The following PDK3 variants were observed in gnomAD, a reference collection of about 807,000 sequenced individuals.
PDK3 encodes pyruvate dehydrogenase kinase, isozyme 3.
PDK3 carries 12 observed loss-of-function variants against 32.0 expected under a neutral mutation model. The observed-to-expected ratio is 0.37, with a 90% CI of 0.24 to 0.61. The LOEUF (loss-of-function observed/expected upper bound fraction) is 0.61, where lower values mean the gene tolerates loss of function less well. Among genes scored for constraint, PDK3 ranks in the 20% least tolerant of loss-of-function variants. The probability of loss-of-function intolerance (pLI) is 0.65; values close to 1 mark genes in which losing one functional copy is unlikely to be tolerated. For missense variants in PDK3, 188 were observed against 316.9 expected (o/e 0.59, Z 3.09); for synonymous variants, 122 against 116.3 (o/e 1.05, Z -0.31).
downstream of PDK3, among the ~76,000 whole-genome samples, chrX:24,537,750 G>A (rs1207607): frequency 0.17 from 18,624 of 110,918 alleles, 1,476 homozygotes; most frequent in Middle Eastern, 0.25. Flanking sequence ...ATTTAGTAGC[G>A]TTGGTCTTCT....
exon 12 of PDK3, chrX:24,548,386 T>A (rs1322779122): frequency 1.8e-5 from 2 of 112,584 alleles, no homozygotes; most frequent in Non-Finnish European, 3.8e-5. Context: ...TGGAACTGAC[T>A]CCTTTGGGGA....
chrX:24,469,432 G>C (rs1920971435), intron 1 of PDK3, among the ~76,000 whole-genome samples: 1 of 110,000 alleles, frequency 9.1e-6, no homozygotes, highest in Admixed American at 9.8e-5. Flanking sequence ...GATATATCTA[G>C]ATAGAATTTT....
At chrX:24,505,354 T>C in intron 5 of PDK3, 56 bp downstream of exon 5, 1 of 928,113 alleles carries the variant, frequency 1.1e-6, no homozygotes, top group East Asian at 3.1e-5. Flanking sequence ...TGTGGTTTAT[T>C]GGAGGCAGCT....
intron 5 of PDK3, among the ~76,000 whole-genome samples, chrX:24,511,929 G>T (rs1176952793): frequency 9.0e-6 from 1 of 110,642 alleles, no homozygotes; most frequent in Non-Finnish European, 1.9e-5. Flanking sequence ...TCTTGAGACA[G>T]ATTACAGAAA....
chrX:24,493,101 AC>A (rs1383600736), intron 1 of PDK3, among the ~76,000 whole-genome samples: 1 of 111,363 alleles, frequency 9.0e-6, no homozygotes, highest in Non-Finnish European at 1.9e-5. Context: ...GGGGCATTAC[AC>A]CCCTTCTCCT....
At chrX:24,477,260 G>A (rs367727786) in intron 1 of PDK3, among the ~76,000 whole-genome samples, 5 of 111,796 alleles carry the variant, frequency 4.5e-5, no homozygotes, top group African/African-American at 1.6e-4. Flanking sequence ...AGGTAACATA[G>A]GAATGAAAAG....
rs896749320 is a variant in PDK3 at position 24,550,087 on chromosome X, T to C, written c.*10923T>C. On this transcript the variant is annotated 3_prime_UTR_variant, in exon 12 of 12. Coordinates refer to the PDK3 transcript ENST00000568479. ...CAATATTTGTACTCATAAGTCAAAA[T>C]CTGACCTGGTTCGCTTTGTGCCTCT... 1.2e-4 allele frequency: 14 copies of C among 112,124 alleles called. No homozygotes were observed. In the Middle Eastern group the frequency reaches 0.014, roughly 110 times the overall value. The allele number at this position is 112,124 out of a possible 1,213,427, so 9.2% of individuals were successfully genotyped here. A position where few individuals can be genotyped will look rare whatever the true frequency, so the allele number is the denominator to read the frequency against.
chrX:24,469,631 A>C (rs1036016186), intron 1 of PDK3, among the ~76,000 whole-genome samples: 1 of 109,821 alleles, frequency 9.1e-6, no homozygotes, highest in African/African-American at 3.3e-5. Context: ...AATAATAATA[A>C]ATAAATAAGA....
exon 12 of PDK3, chrX:24,550,206 C>T (rs1382030837): frequency 8.9e-6 from 1 of 111,971 alleles, no homozygotes; most frequent in African/African-American, 3.2e-5. Context: ...CAGTTCTATG[C>T]TGTTGTGTGG....
intron 5 of PDK3, among the ~76,000 whole-genome samples, chrX:24,510,039 T>C (rs774804983): frequency 8.9e-6 from 1 of 112,524 alleles, no homozygotes; most frequent in East Asian, 2.8e-4. Context: ...GAAATTACTG[T>C]GAGTAAGAAA....
intron 1 of PDK3, among the ~76,000 whole-genome samples, chrX:24,492,595 A>G (rs1921593392): frequency 9.0e-6 from 1 of 110,961 alleles, no homozygotes; most frequent in Non-Finnish European, 1.9e-5. Context: ...TCAAAACAAA[A>G]AAGCCCTTAA....
chrX:24,466,956 A>G (rs774893201), intron 1 of PDK3, among the ~76,000 whole-genome samples: 7 of 112,175 alleles, frequency 6.2e-5, no homozygotes, highest in Non-Finnish European at 1.1e-4. Context: ...CTGAAACAGG[A>G]TAATTCACAA....
At chrX:24,513,351 G>C (rs1327413870) in intron 5 of PDK3, 1 of 111,323 alleles carries the variant, frequency 9.0e-6, no homozygotes, top group Non-Finnish European at 1.9e-5. Context: ...CTAAAAGGCA[G>C]CATATCAATT....
rs1186311518 is a variant in PDK3, at chrX:24,498,897, A to G, written c.317A>G (p.Asp106Gly). Residue 106 changes from aspartate to glycine, a missense_variant, in exon 3 of 11, where the codon GAT (aspartate) becomes GGT (glycine). By Grantham distance (94) the Asp-to-Gly change is moderately conservative (BLOSUM62 -1). Coordinates refer to ENST00000379162, the MANE Select transcript of PDK3 (RefSeq NM_005391.5). ...AGCCCTGAGGATCCACAGGTCTTGG[A>G]TAAGTAAGTATGGTACCACTTAGCT... ...NKSPEDPQVLDNFLQVLIKVR... is the reference protein window; with the variant it reads ...NKSPEDPQVLGNFLQVLIKVR... 9.1e-7 allele frequency: 1 copy of G among 1,098,353 alleles called. No individual in the cohort carries two copies. The highest frequency in any genetic ancestry group is 2.7e-5 in the Admixed American group (1 of 37,243). The allele number at this position is 1,098,353 out of a possible 1,213,427, so 90.5% of individuals were successfully genotyped here. A position where few individuals can be genotyped will look rare whatever the true frequency, so the allele number is the denominator to read the frequency against.
chrX:24,512,711 T>G (rs1922153917), intron 5 of PDK3, among the ~76,000 whole-genome samples: 1 of 110,383 alleles, frequency 9.1e-6, no homozygotes. Flanking sequence ...TGCAGTGAGC[T>G]GAGATTGCAC....
chrX:24,528,213 G>A (rs1269306645), intron 9 of PDK3, 27 bp downstream of exon 9: 1 of 859,586 alleles, frequency 1.2e-6, no homozygotes. Flanking sequence ...GCTGCTGAAG[G>A]AAAGATCATA....
At chrX:24,549,564 G>T (rs1443318514) in exon 12 of PDK3, 1 of 111,063 alleles carries the variant, frequency 9.0e-6, no homozygotes, top group Non-Finnish European at 1.9e-5. Context: ...TGTTCTCATT[G>T]TGATGCTTAG....
intron 5 of PDK3, among the ~76,000 whole-genome samples, chrX:24,507,322 G>A (rs916618850): frequency 3.6e-5 from 4 of 112,361 alleles, no homozygotes; most frequent in Admixed American, 9.4e-5. Context: ...AAGGGTCATT[G>A]ATGTCATAGC....
intron 1 of PDK3, among the ~76,000 whole-genome samples, chrX:24,474,884 G>A (rs1353647243): frequency 8.9e-6 from 1 of 112,070 alleles, no homozygotes. Flanking sequence ...AGAAGGTAGC[G>A]GCCAGTTTCC....
Sources: gnomAD v4.1 joint callset for allele counts (sites outside exome capture counted in the v4.1 genomes callset) on GRCh38, gnomAD v4.1.1 for gene constraint, MANE v1.5 for transcripts, NCBI Gene and HGNC (gene_info 2026-07-23, HGNC 2026-07-21) for gene names.